ANKMY1: variants seen among roughly 807,000 people sequenced by gnomAD.
The protein encoded by ANKMY1 is ankyrin repeat and MYND domain-containing protein 1.
In ANKMY1, 98 loss-of-function variants were observed where a neutral mutation model predicts 102.0. The ratio of observed to expected loss-of-function variants is 0.96; its 90% CI spans 0.82 to 1.14. ANKMY1 has a LOEUF of 1.14. ANKMY1 is among the 50% of genes most tolerant of loss of function. The pLI is 0.00. For synonymous variants in ANKMY1, 582 were observed against 559.9 expected (o/e 1.04, Z -0.56); for missense variants, 1,330 against 1,347.6 (o/e 0.99, Z 0.20).
intron 15 of ANKMY1, among the ~76,000 whole-genome samples, chr2:240,495,714 G>A (rs1444481944): frequency 2.6e-5 from 4 of 151,984 alleles, no homozygotes; most frequent in East Asian, 1.9e-4. Flanking sequence ...GTTGTCCCCC[G>A]GGCCCAGCTG....
intron 4 of ANKMY1, chr2:240,532,285 A>G (rs2085598925): frequency 3.2e-6 from 1 of 313,724 alleles, no homozygotes; most frequent in Non-Finnish European, 6.7e-6. Context: ...TGCTCAAGAA[A>G]ATAACTGTCA....
intron 7 of ANKMY1, 100 bp from the exon 8 acceptor site, chr2:240,524,481 G>T: frequency 7.4e-7 from 1 of 1,344,726 alleles, no homozygotes. Flanking sequence ...GCCTAGAGCT[G>T]TCTTCAAAGC....
chr2:240,477,018 A>G (rs566433460), downstream of ANKMY1, among the ~76,000 whole-genome samples: 2 of 152,222 alleles, frequency 1.3e-5, no homozygotes, highest in African/African-American at 4.8e-5. Flanking sequence ...AACATCTCCA[A>G]TGAAAAGGGA....
At chr2:240,491,331 T>C (rs969135680) in intron 15 of ANKMY1, among the ~76,000 whole-genome samples, 1 of 152,188 alleles carries the variant, frequency 6.6e-6, no homozygotes, top group African/African-American at 2.4e-5. Context: ...ATAATTTAAT[T>C]TGTTCATGTT....
At chr2:240,482,058 A>G (rs1267365674) in intron 16 of ANKMY1, 125 bp downstream of exon 16, 13 of 1,079,326 alleles carry the variant, frequency 1.2e-5, no homozygotes, top group Admixed American at 2.3e-5. Flanking sequence ...AGAGGAGGCC[A>G]TGCCACTTGG....
At chr2:240,532,086 A>G (rs1043233066) in intron 4 of ANKMY1, 4 of 469,298 alleles carry the variant, frequency 8.5e-6, no homozygotes, top group African/African-American at 6.0e-5. Context: ...ATTTGAAGAA[A>G]TAACAGTTGA....
At chr2:240,481,155 C>T (rs1176358055) in intron 16 of ANKMY1, 58 bp from the exon 17 acceptor site, 1 of 1,569,382 alleles carries the variant, frequency 6.4e-7, no homozygotes, top group Non-Finnish European at 8.7e-7. Context: ...TCCCCACAAA[C>T]AGCCGCTGCC....
chr2:240,493,947 C>A (rs1018197869), intron 15 of ANKMY1, among the ~76,000 whole-genome samples: 4 of 152,168 alleles, frequency 2.6e-5, no homozygotes, highest in African/African-American at 9.7e-5. Flanking sequence ...CATGAAAATT[C>A]TCTGGGTCCC....
At chr2:240,510,381 T>C (rs2152181121) in intron 11 of ANKMY1, among the ~76,000 whole-genome samples, 1 of 152,058 alleles carries the variant, frequency 6.6e-6, no homozygotes, top group South Asian at 2.1e-4. Context: ...CCCTCTGTTT[T>C]CCTGTCCATT....
In ANKMY1 at chr2:240,539,756, C is replaced by T. The variant is rs34373537; in HGVS notation, c.481-10247G>A. Among the ~76,000 whole-genome samples the T allele has an allele frequency of 2.2e-3, 339 of 152,334 alleles. 1 individual carries two copies. The highest frequency in any genetic ancestry group is 6.8e-3 in the Middle Eastern group (2 of 294). On this transcript the variant is annotated intron_variant, in intron 4 of 17. Coordinates refer to ENST00000401804, the MANE Select transcript of ANKMY1 (RefSeq NM_001282771.3). ...CAGATGCCAGACTCAAAAGGCTGCA[C>T]ATTGTGTGATTTCATTGTAAACTAA... is the stretch of plus-strand genomic sequence containing the variant.
upstream of ANKMY1, among the ~76,000 whole-genome samples, chr2:240,558,901 G>C (rs749793119): frequency 6.6e-6 from 1 of 151,974 alleles, no homozygotes; most frequent in Non-Finnish European, 1.5e-5. Flanking sequence ...TTAAAAGTTC[G>C]GCATACTACA....
Position 240,529,123 on chromosome 2 carries a change from A to T in ANKMY1, c.867T>A (p.Pro289=), listed in dbSNP as rs773415694. The change falls in exon 5 of 18, where the codon CCT becomes CCA. Residue 289 remains proline (P), a synonymous_variant. Coordinates refer to ENST00000401804, the MANE Select transcript of ANKMY1 (RefSeq NM_001282771.3). The surrounding 1 kb of genome is among the most constrained non-coding windows in gnomAD (Gnocchi z 4.2). The part of the protein sequence containing the change: ...LDARIFLNEI[P]PFVEDGEPWF... ...ATGGTTCTCCATCCTCAACGAACGGAGGAATTTCATTGAGGAAGATGCGGG... is the reference window on the plus strand; with the variant it reads ...ATGGTTCTCCATCCTCAACGAACGGTGGAATTTCATTGAGGAAGATGCGGG... 2 of 1,614,106 alleles carry T rather than the reference A, an allele frequency of 1.2e-6. No homozygotes were observed. The highest frequency in any genetic ancestry group is 2.7e-5 in the African/African-American group (2 of 74,934).
intron 4 of ANKMY1, among the ~76,000 whole-genome samples, chr2:240,551,359 C>T (rs2091493563): frequency 6.6e-6 from 1 of 152,162 alleles, no homozygotes; most frequent in South Asian, 2.1e-4. Flanking sequence ...TAATTCATGG[C>T]AACGTGTTTG....
intron 9 of ANKMY1, among the ~76,000 whole-genome samples, chr2:240,518,292 AC>A (rs2081541657): frequency 6.6e-6 from 1 of 152,178 alleles, no homozygotes; most frequent in African/African-American, 2.4e-5. Context: ...TCACTAGATC[AC>A]AGCATCTGGA....
At chr2:240,478,142 G>A (rs1392641053), downstream of ANKMY1, among the ~76,000 whole-genome samples, 1 of 152,112 alleles carries the variant, frequency 6.6e-6, no homozygotes, top group African/African-American at 2.4e-5. Flanking sequence ...CGAAGTGCCG[G>A]CTTCCCCTTC....
At chr2:240,496,025 T>G (rs1255447421) in intron 15 of ANKMY1, among the ~76,000 whole-genome samples, 1 of 152,230 alleles carries the variant, frequency 6.6e-6, no homozygotes, top group Non-Finnish European at 1.5e-5. Context: ...GAAGTGGGCA[T>G]GAAATGCTTA....
rs1380392605 is a variant in ANKMY1, at chr2:240,507,568, G to A, written c.2518C>T (p.Leu840=). ...AGCCTCCTGCCCCTCACCAGGGCCA[G>A]CTTGCTGTCCATGTTCCTCTGGTGC... ...YEHQRNMDSK[L]ALIDRLISHG... The change falls in exon 13 of 18, where the codon CTG becomes TTG. Residue 840 remains leucine, a synonymous_variant. Coordinates refer to ENST00000401804, the MANE Select transcript of ANKMY1 (RefSeq NM_001282771.3). The A allele has an allele frequency of 1.9e-6, 3 of 1,607,752 alleles. No individual in the cohort carries two copies. Among genetic ancestry groups the A allele is most frequent in the Non-Finnish European group, 1.7e-6 (2 of 1,177,060 alleles).
chr2:240,475,442 T>G (rs890418730), downstream of ANKMY1, among the ~76,000 whole-genome samples: 1 of 151,986 alleles, frequency 6.6e-6, no homozygotes, highest in Non-Finnish European at 1.5e-5. Context: ...AGCAATAAAT[T>G]TAAGCAAGGT....
chr2:240,558,123 G>A (rs975729696), upstream of ANKMY1: 14 of 336,788 alleles, frequency 4.2e-5, no homozygotes, highest in Non-Finnish European at 5.9e-5. Context: ...CAGGGGCTTG[G>A]GGCCGACACC....
Sources: allele counts gnomAD v4.1 joint callset (sites outside exome capture counted in the v4.1 genomes callset), GRCh38; gene constraint gnomAD v4.1.1; non-coding constraint Gnocchi (gnomAD v3.1); transcripts MANE v1.5; gene names NCBI Gene and HGNC (gene_info 2026-07-23, HGNC 2026-07-21).